The following BMPR1A variants were observed in gnomAD, a reference collection of about 807,000 sequenced individuals.
The protein encoded by BMPR1A is bone morphogenetic protein receptor type-1A.
BMPR1A carries 7 observed loss-of-function variants against 66.0 expected under a neutral mutation model. The ratio of observed to expected loss-of-function variants is 0.11; its 90% confidence interval spans 0.06 to 0.20. BMPR1A has a LOEUF of 0.20. Among genes scored for constraint, BMPR1A ranks in the 10% least tolerant of loss-of-function variants. The pLI is 1.00. For synonymous variants in BMPR1A, 200 were observed against 229.7 expected (o/e 0.87, Z 1.17); for missense variants, 408 against 669.1 (o/e 0.61, Z 4.31).
At chr10:86,915,767 A>G (rs868600302) in intron 8 of BMPR1A, among the ~76,000 whole-genome samples, 2 of 152,188 alleles carry the variant, frequency 1.3e-5, no homozygotes, top group Non-Finnish European at 2.9e-5. Flanking sequence ...TCTATAATAA[A>G]TGATACATAA....
At chr10:86,890,005 A>G (rs2133393816) in intron 3 of BMPR1A, 57 bp from the exon 4 acceptor site, 11 of 1,591,832 alleles carry the variant, frequency 6.9e-6, no homozygotes, top group Admixed American at 1.7e-5. Flanking sequence ...GAAAATTGTC[A>G]CGAAACAATG....
intron 1 of BMPR1A, among the ~76,000 whole-genome samples, chr10:86,769,582 A>G (rs909251604): frequency 2.6e-5 from 4 of 152,182 alleles, no homozygotes; most frequent in Non-Finnish European, 4.4e-5. Context: ...GCTTATTAAG[A>G]TGTGGCAGAA....
chr10:86,850,329 A>G (rs924220992), intron 2 of BMPR1A, among the ~76,000 whole-genome samples: 1 of 152,080 alleles, frequency 6.6e-6, no homozygotes, highest in African/African-American at 2.4e-5. Flanking sequence ...CAAAAAAAAA[A>G]AAACAGTTCA....
At chr10:86,906,987 A>G (rs1194174882) in intron 7 of BMPR1A, among the ~76,000 whole-genome samples, 1 of 151,876 alleles carries the variant, frequency 6.6e-6, no homozygotes, top group Non-Finnish European at 1.5e-5. Context: ...AGCTCATCAA[A>G]CATTCTTCAT....
chr10:86,920,786 G>A (rs1179161535), intron 10 of BMPR1A, among the ~76,000 whole-genome samples: 1 of 148,546 alleles, frequency 6.7e-6, no homozygotes, highest in Admixed American at 6.7e-5. Flanking sequence ...GATTCCTCTT[G>A]TATTTTCATA....
chr10:86,772,232 G>A (rs1841276206), intron 1 of BMPR1A, among the ~76,000 whole-genome samples: 1 of 146,422 alleles, frequency 6.8e-6, no homozygotes, highest in Non-Finnish European at 1.5e-5. Context: ...CCGGGTTCAC[G>A]CCATTCTCCT....
chr10:86,759,349 C>T (rs555697304), intron 1 of BMPR1A, among the ~76,000 whole-genome samples: 8 of 152,314 alleles, frequency 5.3e-5, no homozygotes, highest in African/African-American at 1.7e-4. Flanking sequence ...TTGTTCAGAC[C>T]TTTCTGTTGG....
intron 1 of BMPR1A, among the ~76,000 whole-genome samples, chr10:86,766,005 A>ATTTTTTTTTTT (rs1841156439): frequency 1.7e-5 from 1 of 58,196 alleles, no homozygotes; most frequent in Non-Finnish European, 3.9e-5. Flanking sequence ...TTTTTTTTTG[A>ATTTTTTTTTTT]GGGAAGGTCT....
At chr10:86,820,624 C>T (rs1329328296) in intron 1 of BMPR1A, among the ~76,000 whole-genome samples, 1 of 152,116 alleles carries the variant, frequency 6.6e-6, no homozygotes, top group Non-Finnish European at 1.5e-5. Flanking sequence ...CAAAACAAAC[C>T]AGCAAAACCT....
chr10:86,767,978 G>C (rs1050595981), intron 1 of BMPR1A, among the ~76,000 whole-genome samples: 1 of 152,184 alleles, frequency 6.6e-6, no homozygotes, highest in Non-Finnish European at 1.5e-5. Flanking sequence ...ACAGCCCATT[G>C]TTCTTTTCTA....
intron 1 of BMPR1A, among the ~76,000 whole-genome samples, chr10:86,770,732 A>G (rs906617581): frequency 1.1e-4 from 16 of 152,188 alleles, no homozygotes; most frequent in African/African-American, 3.9e-4. Context: ...AACGTTTTAA[A>G]CTGTACTTTT....
At chr10:86,839,083 CT>C (rs2133112146) in intron 2 of BMPR1A, 104 bp downstream of exon 2, 1 of 152,258 alleles carries the variant, frequency 6.6e-6, no homozygotes, top group East Asian at 1.9e-4. Flanking sequence ...TCTTCAGTTT[CT>C]TTGTAACACC....
At chr10:86,765,347 G>A (rs1438000056) in intron 1 of BMPR1A, among the ~76,000 whole-genome samples, 1 of 151,856 alleles carries the variant, frequency 6.6e-6, no homozygotes, top group Non-Finnish European at 1.5e-5. Flanking sequence ...TTAGCCGGGT[G>A]TGGTGGCACG....
intron 2 of BMPR1A, among the ~76,000 whole-genome samples, chr10:86,852,947 A>G (rs1479523242): frequency 6.6e-6 from 1 of 152,212 alleles, no homozygotes; most frequent in Non-Finnish European, 1.5e-5. Context: ...TTAAAAAAAG[A>G]TACATTGAAG....
chr10:86,913,034 A>G (rs1162268717), intron 8 of BMPR1A, among the ~76,000 whole-genome samples: 1 of 152,150 alleles, frequency 6.6e-6, no homozygotes, highest in Admixed American at 6.5e-5. Context: ...GAGGACCTGT[A>G]TTATGAACAC....
chr10:86,898,670 C>T (rs1843264388), intron 5 of BMPR1A, among the ~76,000 whole-genome samples: 1 of 152,186 alleles, frequency 6.6e-6, no homozygotes, highest in Admixed American at 6.5e-5. Context: ...GCCAAAGAAA[C>T]CCTTTCTTGG....
In BMPR1A at chr10:86,906,723, C is replaced by CAAAAAAAAAAAAAAAAAAAAAA. The variant is rs929716555; in HGVS notation, c.531-5499_531-5478dup. On this transcript the variant is annotated intron_variant, in intron 7 of 12. Transcript: ENST00000372037. The stretch of plus-strand genomic sequence containing the variant: ...TGGGCGACAGAGTGAGACTCCGTCT[C>CAAAAAAAAAAAAAAAAAAAAAA]AAAAAAAAAAAAAAAAAAAAAAAAA... Among the ~76,000 whole-genome samples the CAAAAAAAAAAAAAAAAAAAAAA allele has an allele frequency of 3.7e-4, 4 of 10,698 alleles. 1 individual carries two copies. The highest frequency in any genetic ancestry group is 1.5e-3 in the Admixed American group (1 of 666). 7.0% of individuals were successfully genotyped at this position (10,698 alleles called of 152,430 possible). A position where few individuals can be genotyped will look rare whatever the true frequency, so the allele number is the denominator to read the frequency against.
At position 86,925,064 on chromosome 10, in the gene BMPR1A, T is replaced by G; in HGVS notation, c.*1345T>G. On this transcript the variant is annotated 3_prime_UTR_variant, in exon 13 of 13. Transcript: ENST00000372037. ...GCTAAATCATTTGAGATTTTTGGTT[T>G]TTTGATTTCTATTCCCTAACTTGTG... is the stretch of plus-strand genomic sequence containing the variant. 1 of 232,246 alleles carries G rather than the reference T, an allele frequency of 4.3e-6. No homozygotes were observed. Among genetic ancestry groups the G allele is most frequent in the Non-Finnish European group, 8.5e-6 (1 of 117,446 alleles). The allele number at this position is 232,246 out of a possible 1,614,324, so 14.4% of individuals were successfully genotyped here.
At chr10:86,772,014 T>TA (rs1841270708) in intron 1 of BMPR1A, among the ~76,000 whole-genome samples, 2 of 151,810 alleles carry the variant, frequency 1.3e-5, no homozygotes, top group Non-Finnish European at 2.9e-5. Flanking sequence ...TATAGTTGTT[T>TA]AAAAAAATAT....
Sources: allele counts gnomAD v4.1 joint callset (sites outside exome capture counted in the v4.1 genomes callset), GRCh38; gene constraint gnomAD v4.1.1; transcripts MANE v1.5; gene names NCBI Gene and HGNC (gene_info 2026-07-23, HGNC 2026-07-21).